Variants in RIPOR2 observed in about 807,000 individuals in gnomAD.
The protein encoded by RIPOR2 is RHO family interacting cell polarization regulator 2.
Under a neutral mutation model 114.5 loss-of-function variants are expected in RIPOR2, and 39 were observed. The observed-to-expected ratio is 0.34, with a 90% CI of 0.26 to 0.44. The LOEUF (loss-of-function observed/expected upper bound fraction) is 0.44. RIPOR2 is among the 20% of genes least tolerant of loss of function. The probability of loss-of-function intolerance (pLI) is 1.00; values close to 1 mark genes in which losing one functional copy is unlikely to be tolerated. For synonymous variants in RIPOR2, 445 were observed against 484.4 expected (o/e 0.92, Z 1.07); for missense variants, 1,007 against 1,255.1 (o/e 0.80, Z 2.99).
chr6:24,891,925 C>A (rs144481689), intron 1 of RIPOR2, among the ~76,000 whole-genome samples: 71 of 152,280 alleles, frequency 4.7e-4, no homozygotes, highest in Non-Finnish European at 5.9e-4. Context: ...GTGATGTGAT[C>A]TCAGCTCACT....
intron 1 of RIPOR2, among the ~76,000 whole-genome samples, chr6:24,990,469 A>G (rs1360961786): frequency 6.6e-6 from 1 of 152,262 alleles, no homozygotes; most frequent in African/African-American, 2.4e-5. Context: ...TCATGGTCTC[A>G]AGAAGCCACA....
At chr6:24,893,398 GAGC>G (rs1168374866) in intron 1 of RIPOR2, among the ~76,000 whole-genome samples, 1 of 152,140 alleles carries the variant, frequency 6.6e-6, no homozygotes, top group Non-Finnish European at 1.5e-5. Context: ...CCCCTTTATG[GAGC>G]ACTTTAGGAC....
chr6:25,032,207 C>A (rs1439370715), intron 1 of RIPOR2, among the ~76,000 whole-genome samples: 5 of 150,102 alleles, frequency 3.3e-5, no homozygotes, highest in Non-Finnish European at 7.4e-5. Flanking sequence ...TTTTCACTTG[C>A]TTGAAAATTG....
At chr6:24,836,122 T>G (rs952498112) in intron 14 of RIPOR2, 18 of 472,880 alleles carry the variant, frequency 3.8e-5, no homozygotes, top group South Asian at 1.5e-4. Flanking sequence ...AATGAACCAC[T>G]TATGAAGTAG....
At chr6:24,973,422 G>A (rs1453454548) in intron 1 of RIPOR2, among the ~76,000 whole-genome samples, 2 of 151,922 alleles carry the variant, frequency 1.3e-5, no homozygotes, top group African/African-American at 4.8e-5. Flanking sequence ...CCAACATGGT[G>A]AAACCCCCGT....
intron 14 of RIPOR2, among the ~76,000 whole-genome samples, chr6:24,838,562 C>T (rs928325595): frequency 5.3e-5 from 8 of 152,152 alleles, no homozygotes; most frequent in African/African-American, 1.4e-4. Flanking sequence ...GAGGCTGAGG[C>T]GGGTGGATCA....
At chr6:24,930,901 C>A (rs1771340632) in intron 1 of RIPOR2, among the ~76,000 whole-genome samples, 1 of 152,168 alleles carries the variant, frequency 6.6e-6, no homozygotes. Context: ...GAGAAAGATT[C>A]AGCATAGTTA....
intron 1 of RIPOR2, among the ~76,000 whole-genome samples, chr6:24,894,552 T>C (rs995100826): frequency 6.6e-6 from 1 of 152,220 alleles, no homozygotes; most frequent in Non-Finnish European, 1.5e-5. Flanking sequence ...GGGAGGATCA[T>C]CAGTTCTCAG....
intron 1 of RIPOR2, among the ~76,000 whole-genome samples, chr6:25,022,242 C>T (rs1485642266): frequency 1.3e-5 from 2 of 152,164 alleles, no homozygotes; most frequent in African/African-American, 4.8e-5. Flanking sequence ...ACCTCTCTAA[C>T]CAGCCCTTGG....
At position 24,839,246 on chromosome 6, in the gene RIPOR2, C is replaced by A; in HGVS notation, c.1884G>T (p.Arg628Ser). Residue 628 changes from arginine (R) to serine (S), a missense_variant, in exon 14 of 22, where the codon AGG (arginine) becomes AGT (serine). Physicochemically the swap from Arg to Ser is moderately radical, Grantham distance 110 (BLOSUM62 -1). Coordinates refer to ENST00000643898, the MANE Select transcript of RIPOR2 (RefSeq NM_001286445.3). ...CAACTGTGAGACTTAAACTGGAAGACCTGCTGCGGCTTACTGCTGGCTTGC... is the reference window on the plus strand; with the variant it reads ...CAACTGTGAGACTTAAACTGGAAGAACTGCTGCGGCTTACTGCTGGCTTGC... Reference protein sequence around the residue: ...LKCKPAVSRSRSSSLSLTVES... With the variant: ...LKCKPAVSRSSSSSLSLTVES... 4.5e-6 allele frequency: 7 copies of A among 1,551,898 alleles called. No homozygotes were observed. Among genetic ancestry groups the A allele is most frequent in the Non-Finnish European group, 6.1e-6 (7 of 1,147,018 alleles).
intron 19 of RIPOR2, among the ~76,000 whole-genome samples, chr6:24,819,219 A>G (rs9358803): frequency 0.43 from 65,511 of 151,854 alleles, 15,303 homozygotes; most frequent in Non-Finnish European, 0.53. Flanking sequence ...GGAACTGAAG[A>G]GAAGAAATGT....
At chr6:24,865,823 A>G (rs542868024) in intron 6 of RIPOR2, among the ~76,000 whole-genome samples, 27 of 152,280 alleles carry the variant, frequency 1.8e-4, no homozygotes, top group African/African-American at 6.5e-4. Flanking sequence ...TATTAAACAA[A>G]TAAGTATTAA....
intron 7 of RIPOR2, among the ~76,000 whole-genome samples, chr6:24,861,988 C>A (rs1323663234): frequency 6.6e-6 from 1 of 152,202 alleles, no homozygotes; most frequent in Non-Finnish European, 1.5e-5. Context: ...CTACTGCAAA[C>A]CTACAGCGCC....
rs1038009564 is a variant in RIPOR2 at position 24,806,466 on chromosome 6, A to G, written c.3051T>C (p.Asp1017=). 1.9e-6 allele frequency: 3 copies of G among 1,550,278 alleles called. No homozygotes were observed. The Admixed American group carries it at 5.9e-5, about 31-fold the overall frequency. Residue 1017 remains aspartate (D), a synonymous_variant, in exon 22 of 22, where the codon GAT becomes GAC. Coordinates refer to ENST00000643898, the MANE Select transcript of RIPOR2 (RefSeq NM_001286445.3). ...CCAATTGTTCATATGCCAGCCGCCC[A>G]TCTTCTCCTAAATACAGAACATTAA... ...ASETLLSLGE[D]GRLAYEQLDK...
At chr6:24,851,227 C>T (rs1463042164) in intron 9 of RIPOR2, among the ~76,000 whole-genome samples, 2 of 152,106 alleles carry the variant, frequency 1.3e-5, no homozygotes, top group Admixed American at 1.3e-4. Context: ...GTTCTGCCTG[C>T]CTGAGACAGG....
chr6:24,886,676 T>A (rs920540761), intron 1 of RIPOR2, among the ~76,000 whole-genome samples: 1 of 152,252 alleles, frequency 6.6e-6, no homozygotes, highest in Non-Finnish European at 1.5e-5. Context: ...ATTGTCCTTC[T>A]CAAGGCATTG....
At chr6:24,852,459 T>G in intron 9 of RIPOR2, 116 bp downstream of exon 9, 1 of 835,238 alleles carries the variant, frequency 1.2e-6, no homozygotes, top group Non-Finnish European at 2.0e-6. Flanking sequence ...AAAATGTTTT[T>G]CAAAATTAAA....
chr6:24,867,188 AGG>A (rs1764689773), intron 6 of RIPOR2, among the ~76,000 whole-genome samples: 1 of 152,222 alleles, frequency 6.6e-6, no homozygotes, highest in Non-Finnish European at 1.5e-5. Context: ...TTTAATCTTC[AGG>A]GTCAGTGGAT....
At chr6:24,823,873 C>T (rs1382423846) in intron 19 of RIPOR2, among the ~76,000 whole-genome samples, 1 of 152,180 alleles carries the variant, frequency 6.6e-6, no homozygotes, top group African/African-American at 2.4e-5. Flanking sequence ...TCTCCTGCCT[C>T]AGCCTCCTGA....
Sources: gnomAD v4.1 joint callset for allele counts (sites outside exome capture counted in the v4.1 genomes callset) on GRCh38, gnomAD v4.1.1 for gene constraint, MANE v1.5 for transcripts, NCBI Gene and HGNC (gene_info 2026-07-23, HGNC 2026-07-21) for gene names.